PRIM2: variants seen among roughly 807,000 people sequenced by gnomAD.
The protein encoded by PRIM2 is DNA primase subunit 2.
Under a neutral mutation model 67.3 loss-of-function variants are expected in PRIM2, and 39 were observed. The observed-to-expected ratio is 0.58, with a 90% confidence interval of 0.45 to 0.76. The LOEUF (loss-of-function observed/expected upper bound fraction) is 0.76. Ranked by LOEUF, PRIM2 falls within the 30% of genes least tolerant of loss-of-function variation. PRIM2 has a pLI of 0.00. For synonymous variants in PRIM2, 143 were observed against 198.7 expected (o/e 0.72, Z 2.36); for missense variants, 398 against 598.7 (o/e 0.66, Z 3.50).
At chr6:57,561,707 C>CT (rs1292925272) in intron 10 of PRIM2, among the ~76,000 whole-genome samples, 2 of 152,182 alleles carry the variant, frequency 1.3e-5, no homozygotes, top group East Asian at 3.8e-4. Context: ...GCCTGTATTG[C>CT]TTTTTTATCA....
chr6:57,506,160 T>C (rs1774246780), intron 7 of PRIM2, among the ~76,000 whole-genome samples: 2 of 105,842 alleles, frequency 1.9e-5, no homozygotes, highest in South Asian at 5.0e-4. Context: ...TCAGGGATAC[T>C]GAAAGTCTTG....
chr6:57,263,522 C>T, the PRIM2 span, among the ~76,000 whole-genome samples: 1 of 151,874 alleles, frequency 6.6e-6, no homozygotes, highest in African/African-American at 2.4e-5. Flanking sequence ...CATTCTCTTC[C>T]CTTATAAGGC....
At chr6:57,463,021 G>A (rs1192933316) in intron 7 of PRIM2, among the ~76,000 whole-genome samples, 2 of 151,310 alleles carry the variant, frequency 1.3e-5, no homozygotes, top group Non-Finnish European at 2.9e-5. Context: ...GTTCAACAGT[G>A]AGAAGTGAGC....
chr6:57,520,177 C>A (rs1273420383), intron 8 of PRIM2, among the ~76,000 whole-genome samples: 1 of 152,214 alleles, frequency 6.6e-6, no homozygotes, highest in Non-Finnish European at 1.5e-5. Context: ...CCTACCAAAG[C>A]TCCCAAAACA....
At chr6:57,479,278 C>T (rs1246372862) in intron 7 of PRIM2, among the ~76,000 whole-genome samples, 2 of 152,178 alleles carry the variant, frequency 1.3e-5, no homozygotes, top group Non-Finnish European at 2.9e-5. Context: ...TGAGCATTAA[C>T]TGACTTTCTT....
At chr6:57,443,946 G>A (rs1359359670) in intron 7 of PRIM2, among the ~76,000 whole-genome samples, 2 of 151,944 alleles carry the variant, frequency 1.3e-5, no homozygotes, top group Non-Finnish European at 1.5e-5. Context: ...TTTATATATG[G>A]TGTGAGATAA....
At chr6:57,566,100 C>G (rs1444853484) in intron 10 of PRIM2, among the ~76,000 whole-genome samples, 1 of 145,000 alleles carries the variant, frequency 6.9e-6, no homozygotes, top group East Asian at 2.0e-4. Flanking sequence ...TGAGCCAGTT[C>G]TATATGTTTC....
At chr6:57,362,174 C>G (rs866962397) in intron 5 of PRIM2, among the ~76,000 whole-genome samples, 4 of 152,120 alleles carry the variant, frequency 2.6e-5, no homozygotes, top group Non-Finnish European at 5.9e-5. Flanking sequence ...ATTTGAGCAT[C>G]TTTTAGAATA....
chr6:57,235,393 G>A, the PRIM2 span, among the ~76,000 whole-genome samples: 1 of 152,152 alleles, frequency 6.6e-6, no homozygotes, highest in Non-Finnish European at 1.5e-5. Context: ...GAACCCAGGA[G>A]GGGGAGATTG....
At chr6:57,585,791 A>G (rs1776177084) in intron 10 of PRIM2, among the ~76,000 whole-genome samples, 1 of 152,192 alleles carries the variant, frequency 6.6e-6, no homozygotes, top group Non-Finnish European at 1.5e-5. Context: ...AAGTTTGGCC[A>G]AGGAGGGCAT....
At chr6:57,349,551 A>G (rs1282318576) in intron 5 of PRIM2, among the ~76,000 whole-genome samples, 2 of 151,850 alleles carry the variant, frequency 1.3e-5, no homozygotes, top group South Asian at 2.1e-4. Context: ...GTATTGCAAC[A>G]TATTTTAAGT....
At chr6:57,275,676 G>A in the PRIM2 span, among the ~76,000 whole-genome samples, 2 of 152,316 alleles carry the variant, frequency 1.3e-5, no homozygotes, top group Admixed American at 1.3e-4. Context: ...CAACTTAAAT[G>A]CATTTCCTCC....
intron 10 of PRIM2, among the ~76,000 whole-genome samples, chr6:57,547,537 G>A (rs1428254985): frequency 6.6e-6 from 1 of 152,134 alleles, no homozygotes; most frequent in African/African-American, 2.4e-5. Context: ...TTGGCACTTG[G>A]ATATTAAATC....
intron 10 of PRIM2, among the ~76,000 whole-genome samples, chr6:57,575,379 T>C (rs1282326876): frequency 6.6e-6 from 1 of 152,196 alleles, no homozygotes; most frequent in African/African-American, 2.4e-5. Context: ...ACAACTATGA[T>C]GTATTTGCTT....
chr6:57,440,720 C>T (rs1049446382), intron 7 of PRIM2, among the ~76,000 whole-genome samples: 2 of 152,194 alleles, frequency 1.3e-5, no homozygotes, highest in Non-Finnish European at 2.9e-5. Context: ...GTGAACCATT[C>T]CATCAGCTAA....
At chr6:57,296,582 C>T in the PRIM2 span, among the ~76,000 whole-genome samples, 21 of 150,348 alleles carry the variant, frequency 1.4e-4, no homozygotes, top group South Asian at 2.1e-4. Flanking sequence ...GTGGTGGTAG[C>T]GGGGTTTGGT....
chr6:57,456,921 A>G (rs1304742614), intron 7 of PRIM2, among the ~76,000 whole-genome samples: 12 of 151,930 alleles, frequency 7.9e-5, no homozygotes, highest in Admixed American at 3.3e-4. Flanking sequence ...TTGTGGTTTT[A>G]TCTACCTTTG....
intron 5 of PRIM2, among the ~76,000 whole-genome samples, chr6:57,329,298 A>G (rs1456033333): frequency 1.3e-5 from 2 of 151,936 alleles, no homozygotes; most frequent in Non-Finnish European, 2.9e-5. Context: ...TCTGTGGTTC[A>G]TTTTGTGTTA....
chr6:57,263,816 C>T, the PRIM2 span, among the ~76,000 whole-genome samples: 16,111 of 152,134 alleles, frequency 0.11, 1,427 homozygotes, highest in African/African-American at 0.23. Flanking sequence ...AAGGACAAAA[C>T]CTGTTTCTGA....
Sources: gnomAD v4.1 joint callset for allele counts (sites outside exome capture counted in the v4.1 genomes callset) on GRCh38, gnomAD v4.1.1 for gene constraint, MANE v1.5 for transcripts, NCBI Gene and HGNC (gene_info 2026-07-23, HGNC 2026-07-21) for gene names.